Variants in ANXA4 observed in about 807,000 individuals in gnomAD.
ANXA4 encodes annexin A4.
A neutral mutation model predicts 49.8 loss-of-function variants in ANXA4; 39 were observed. That is an observed-to-expected ratio of 0.78 (90% CI 0.61 to 1.02). The LOEUF (loss-of-function observed/expected upper bound fraction) is 1.02. Ranked by LOEUF, ANXA4 falls within the 50% of genes least tolerant of loss-of-function variation. The pLI is 0.00. For missense variants in ANXA4, 360 were observed against 410.1 expected (o/e 0.88, Z 1.05); for synonymous variants, 134 against 152.5 (o/e 0.88, Z 0.89).
At chr2:69,789,664 T>C (rs1000427015) in intron 3 of ANXA4, among the ~76,000 whole-genome samples, 1 of 152,106 alleles carries the variant, frequency 6.6e-6, no homozygotes, top group Non-Finnish European at 1.5e-5. Flanking sequence ...AATGGGCTAC[T>C]GAGGAGGGGG....
At chr2:69,760,804 A>G (rs1671252865) in intron 1 of ANXA4, among the ~76,000 whole-genome samples, 1 of 152,328 alleles carries the variant, frequency 6.6e-6, no homozygotes, top group Non-Finnish European at 1.5e-5. Context: ...TAAATGTTCA[A>G]TCAACATTAG....
intron 2 of ANXA4, among the ~76,000 whole-genome samples, chr2:69,666,192 A>G (rs1031222242): frequency 2.6e-5 from 4 of 152,200 alleles, no homozygotes; most frequent in African/African-American, 9.6e-5. Context: ...CTGAATAGGT[A>G]TTTCTGCAAA....
At position 69,763,812 on chromosome 2, in the gene ANXA4, G is replaced by A. The variant is rs565055880; in HGVS notation, c.-46-17708G>A. Among the ~76,000 whole-genome samples the A allele has an allele frequency of 1.6e-4, 24 of 151,902 alleles. 1 individual carries two copies. Among genetic ancestry groups the A allele is most frequent in the East Asian group, 9.7e-4 (5 of 5,156 alleles). ...TGAGTAGCTGGGATTACAGGCGTGC[G>A]CCACCACGCCTGGCTAATTTTTATA... On this transcript the variant is annotated intron_variant, in intron 1 of 12. Transcript: ENST00000394295.
At chr2:69,812,623 T>C in intron 7 of ANXA4, 30 bp from the exon 8 acceptor site, 9 of 1,601,414 alleles carry the variant, frequency 5.6e-6, no homozygotes, top group Non-Finnish European at 7.7e-6. Context: ...TACTCTCGAA[T>C]TATTTTTTAT....
intron 8 of ANXA4, chr2:69,814,894 G>A (rs1673913603): frequency 6.6e-6 from 1 of 152,194 alleles, no homozygotes; most frequent in South Asian, 2.1e-4. Flanking sequence ...GTTCCAGTCT[G>A]AGTCCAAAGG....
At chr2:69,681,450 C>T (rs1677596652) in intron 2 of ANXA4, among the ~76,000 whole-genome samples, 1 of 151,180 alleles carries the variant, frequency 6.6e-6, no homozygotes, top group Non-Finnish European at 1.5e-5. Context: ...CTGCAATATC[C>T]ACCTCCTAGA....
At chr2:69,649,725 C>T (rs1374591329) in intron 1 of ANXA4, among the ~76,000 whole-genome samples, 9 of 150,110 alleles carry the variant, frequency 6.0e-5, no homozygotes, top group Admixed American at 2.0e-4. Flanking sequence ...AATCCTCTCA[C>T]CTTAGCCTTC....
intron 2 of ANXA4, among the ~76,000 whole-genome samples, chr2:69,712,961 C>A (rs1048372372): frequency 1.3e-5 from 2 of 152,162 alleles, no homozygotes; most frequent in African/African-American, 4.8e-5. Flanking sequence ...AGATCCCCAA[C>A]AGAGCTCAGA....
chr2:69,684,836 A>T (rs1038595160), intron 2 of ANXA4, among the ~76,000 whole-genome samples: 7 of 152,132 alleles, frequency 4.6e-5, no homozygotes, highest in Non-Finnish European at 8.8e-5. Flanking sequence ...TCCACATGTT[A>T]TCAGTAAGGT....
At chr2:69,724,137 A>AAAAAG (rs1185068317) in intron 3 of ANXA4, among the ~76,000 whole-genome samples, 1 of 152,170 alleles carries the variant, frequency 6.6e-6, no homozygotes. Context: ...AGAAAAAAAG[A>AAAAAG]AAAAGAAAAG....
intron 2 of ANXA4, among the ~76,000 whole-genome samples, chr2:69,710,864 A>T (rs1470160409): frequency 7.9e-5 from 12 of 152,224 alleles, no homozygotes; most frequent in Admixed American, 7.9e-4. Context: ...AATGAAAATG[A>T]TACAGCCCCT....
intron 3 of ANXA4, among the ~76,000 whole-genome samples, chr2:69,791,032 C>T (rs1672671502): frequency 1.3e-5 from 2 of 152,180 alleles, no homozygotes; most frequent in Non-Finnish European, 2.9e-5. Flanking sequence ...ACATAAGCCT[C>T]TTAGATTGGC....
At chr2:69,718,466 C>T (rs942914012) in intron 2 of ANXA4, among the ~76,000 whole-genome samples, 3 of 152,180 alleles carry the variant, frequency 2.0e-5, no homozygotes, top group African/African-American at 4.8e-5. Context: ...ATTTCAGCTA[C>T]GTTTGGGAAA....
At position 69,810,611 on chromosome 2, in the gene ANXA4, G is replaced by C. The variant is rs1240116450; in HGVS notation, c.415G>C (p.Glu139Gln). 6.2e-7 allele frequency: 1 copy of C among 1,613,994 alleles called. No homozygotes were observed. Among genetic ancestry groups the C allele is most frequent in the East Asian group, 2.2e-5 (1 of 44,892 alleles). Residue 139 changes from glutamate to glutamine, a missense_variant, in exon 7 of 13, where the codon GAA becomes CAA. Physicochemically the swap from Glu to Gln is conservative, Grantham distance 29. Coordinates refer to ENST00000394295, the MANE Select transcript of ANXA4 (RefSeq NM_001153.5). ...TYQQQYGRSL[E>Q]DDIRSDTSFM... The stretch of plus-strand genomic sequence containing the variant: ...CTTGCTAGAATATGGACGGAGCCTT[G>C]AAGATGACATTCGCTCTGACACATC...
Position 69,685,763 on chromosome 2 carries a change from G to A in ANXA4, n.766+32481G>A, listed in dbSNP as rs73935621. Among the ~76,000 whole-genome samples, 900 of 152,268 alleles carry A rather than the reference G, an allele frequency of 5.9e-3. 9 individuals carry two copies. The highest frequency in any genetic ancestry group is 0.024 in the Middle Eastern group (7 of 294). On this transcript the variant is annotated intron_variant and non_coding_transcript_variant, in intron 2 of 3. Coordinates refer to the ANXA4 transcript ENST00000418066. Reference sequence around the variant, plus strand: ...ACTCAATATGAGTCAGAAGTGTAACGTGGTTGCCAAAAAAACTAAGATTTT... The same window carrying A: ...ACTCAATATGAGTCAGAAGTGTAACATGGTTGCCAAAAAAACTAAGATTTT...
At chr2:69,697,772 C>T (rs1678203851) in intron 2 of ANXA4, among the ~76,000 whole-genome samples, 1 of 152,032 alleles carries the variant, frequency 6.6e-6, no homozygotes. Flanking sequence ...ATTAATTAAG[C>T]TTGCTATTCT....
chr2:69,762,024 T>C (rs1359196771), intron 1 of ANXA4, among the ~76,000 whole-genome samples: 3 of 152,194 alleles, frequency 2.0e-5, no homozygotes, highest in Admixed American at 1.3e-4. Flanking sequence ...ACACATACAA[T>C]GGTTGAACAA....
chr2:69,730,990 T>G (rs1168814866), intron 3 of ANXA4, among the ~76,000 whole-genome samples: 1 of 152,196 alleles, frequency 6.6e-6, no homozygotes, highest in African/African-American at 2.4e-5. Flanking sequence ...TTTAGGTCGA[T>G]GGGTTTGAAG....
At chr2:69,647,214 A>G (rs1016352446) in intron 1 of ANXA4, among the ~76,000 whole-genome samples, 5 of 152,022 alleles carry the variant, frequency 3.3e-5, no homozygotes, top group African/African-American at 1.2e-4. Context: ...CAGAGTCTAC[A>G]CTTCCCAGCC....
Sources: allele counts gnomAD v4.1 joint callset (sites outside exome capture counted in the v4.1 genomes callset), GRCh38; gene constraint gnomAD v4.1.1; transcripts MANE v1.5; gene names NCBI Gene and HGNC (gene_info 2026-07-23, HGNC 2026-07-21).